Variants in GSK3B observed in about 807,000 individuals in gnomAD.
GSK3B encodes glycogen synthase kinase-3 beta.
In GSK3B, 15 loss-of-function variants were observed where a neutral mutation model predicts 56.4. The observed-to-expected ratio is 0.27, with a 90% confidence interval of 0.18 to 0.41. GSK3B has a LOEUF of 0.41. Among genes scored for constraint, GSK3B ranks in the 10% least tolerant of loss-of-function variants. GSK3B has a pLI of 1.00. For missense variants in GSK3B, 300 were observed against 513.4 expected (o/e 0.58, Z 4.02); for synonymous variants, 181 against 188.9 (o/e 0.96, Z 0.34).
At chr3:119,960,501 T>C (rs1008267676) in intron 2 of GSK3B, among the ~76,000 whole-genome samples, 2 of 152,220 alleles carry the variant, frequency 1.3e-5, no homozygotes, top group East Asian at 1.9e-4. Context: ...CAGTGGATTC[T>C]ATCAATGCCA....
chr3:119,903,770 G>C (rs2056649612), intron 7 of GSK3B, among the ~76,000 whole-genome samples: 1 of 152,108 alleles, frequency 6.6e-6, no homozygotes, highest in Non-Finnish European at 1.5e-5. Flanking sequence ...GTAGAGAAAT[G>C]ATACAATTGT....
intron 3 of GSK3B, among the ~76,000 whole-genome samples, chr3:119,929,390 T>A (rs770841420): frequency 4.4e-4 from 67 of 152,372 alleles, no homozygotes; most frequent in Non-Finnish European, 7.2e-4. Context: ...TTAATCATTA[T>A]ACAATTATGA....
intron 1 of GSK3B, among the ~76,000 whole-genome samples, chr3:120,059,498 TTGA>T (rs2058219404): frequency 6.6e-6 from 1 of 152,242 alleles, no homozygotes; most frequent in South Asian, 2.1e-4. Context: ...AACAACAGTT[TTGA>T]TTCCAAAAAA....
At chr3:120,042,092 G>A (rs751327437) in intron 1 of GSK3B, among the ~76,000 whole-genome samples, 25 of 152,088 alleles carry the variant, frequency 1.6e-4, no homozygotes, top group Admixed American at 7.9e-4. Context: ...AGAGAAAATC[G>A]CTATTGTCTA....
chr3:119,866,604 T>C, intron 8 of GSK3B: 1 of 1,603,774 alleles, frequency 6.2e-7, no homozygotes. Context: ...ACTCCTGAGG[T>C]GAAATGTCCT....
chr3:119,943,747 A>T (rs932240342), intron 3 of GSK3B, among the ~76,000 whole-genome samples: 1 of 152,062 alleles, frequency 6.6e-6, no homozygotes, highest in African/African-American at 2.4e-5. Context: ...CATAAAAAGG[A>T]AATAAGAGAG....
chr3:119,990,686 T>C (rs907584399), intron 2 of GSK3B, among the ~76,000 whole-genome samples: 1 of 152,198 alleles, frequency 6.6e-6, no homozygotes, highest in Non-Finnish European at 1.5e-5. Flanking sequence ...CCCAGCACTT[T>C]GGGAGACTGA....
intron 1 of GSK3B, among the ~76,000 whole-genome samples, chr3:120,013,811 G>C (rs1559876481): frequency 6.6e-6 from 1 of 151,116 alleles, no homozygotes; most frequent in African/African-American, 2.4e-5. Context: ...AATTTTTCAG[G>C]TTAAGTTGAA....
chr3:119,863,631 C>A, intron 8 of GSK3B, 26 bp from the exon 9 acceptor site: 3 of 1,444,654 alleles, frequency 2.1e-6, no homozygotes, highest in Non-Finnish European at 2.9e-6. Context: ...AGGGAAAGAA[C>A]AATTAATGTT....
At chr3:119,907,178 C>T (rs531621666) in intron 6 of GSK3B, among the ~76,000 whole-genome samples, 47 of 152,174 alleles carry the variant, frequency 3.1e-4, no homozygotes, top group African/African-American at 1.1e-3. Context: ...TTTAAAACAT[C>T]CCTTTACCTA....
intron 2 of GSK3B, among the ~76,000 whole-genome samples, chr3:119,958,296 G>A (rs1221616018): frequency 6.7e-6 from 1 of 149,764 alleles, no homozygotes; most frequent in African/African-American, 2.5e-5. Context: ...CCCGTCTCAA[G>A]GAGTATCCTT....
chr3:120,064,735 T>TA (rs371112909), intron 1 of GSK3B, among the ~76,000 whole-genome samples: 169 of 152,296 alleles, frequency 1.1e-3, no homozygotes, highest in African/African-American at 4.0e-3. Flanking sequence ...TTGGAGGACT[T>TA]ACTGATTTCA....
Position 119,916,130 on chromosome 3 carries a change from G to C in GSK3B, c.522C>G (p.Ser174=). Residue 174 remains serine (S), a synonymous_variant, in exon 5 of 11, where the codon TCC becomes TCG. Transcript: ENST00000264235. ...QLFRSLAYIH[S]FGICHRDIKP... ...TAATATCCCGATGGCAGATTCCAAA[G>C]GAATGGATATAGGCTAAACTTCGGA... The C allele has an allele frequency of 6.2e-7, 1 of 1,611,594 alleles. No individual in the cohort carries two copies. Among genetic ancestry groups the C allele is most frequent in the Non-Finnish European group, 8.5e-7 (1 of 1,177,826 alleles).
chr3:119,952,271 T>C (rs1419036124), intron 2 of GSK3B, among the ~76,000 whole-genome samples: 3 of 151,924 alleles, frequency 2.0e-5, no homozygotes, highest in African/African-American at 4.8e-5. Context: ...GTGGATTACC[T>C]GAGGTCAGGA....
intron 2 of GSK3B, among the ~76,000 whole-genome samples, chr3:119,967,137 G>C (rs2057325097): frequency 6.6e-6 from 1 of 151,384 alleles, no homozygotes; most frequent in Non-Finnish European, 1.5e-5. Flanking sequence ...GGAGTGCAGT[G>C]GCCTGAACTC....
At chr3:120,058,064 A>T (rs758513091) in intron 1 of GSK3B, among the ~76,000 whole-genome samples, 9 of 152,110 alleles carry the variant, frequency 5.9e-5, no homozygotes, top group Non-Finnish European at 1.0e-4. Context: ...TTATTTATTT[A>T]GTAAGGAAAA....
At chr3:119,956,613 G>GA (rs953231832) in intron 2 of GSK3B, among the ~76,000 whole-genome samples, 8 of 151,924 alleles carry the variant, frequency 5.3e-5, no homozygotes, top group African/African-American at 1.9e-4. Flanking sequence ...TATAAAATAA[G>GA]AAAAAAAGTG....
intron 1 of GSK3B, among the ~76,000 whole-genome samples, chr3:120,046,697 C>T (rs1212356670): frequency 1.3e-5 from 2 of 152,154 alleles, no homozygotes; most frequent in Admixed American, 1.3e-4. Flanking sequence ...CAACCTCTGC[C>T]TCCTAGGTTC....
At chr3:119,925,109 G>A (rs1215436827) in intron 3 of GSK3B, among the ~76,000 whole-genome samples, 1 of 152,052 alleles carries the variant, frequency 6.6e-6, no homozygotes, top group Admixed American at 6.5e-5. Flanking sequence ...CAGGCAGATC[G>A]CTTGAGTTCA....
Sources: allele counts gnomAD v4.1 joint callset (sites outside exome capture counted in the v4.1 genomes callset), GRCh38; gene constraint gnomAD v4.1.1; transcripts MANE v1.5; gene names NCBI Gene and HGNC (gene_info 2026-07-23, HGNC 2026-07-21).